Variants in RHBDL2 observed in about 807,000 individuals in gnomAD.
The protein encoded by RHBDL2 is rhomboid-related protein 2.
Under a neutral mutation model 31.7 loss-of-function variants are expected in RHBDL2, and 26 were observed. The ratio of observed to expected loss-of-function variants is 0.82; its 90% CI spans 0.60 to 1.14. The LOEUF (loss-of-function observed/expected upper bound fraction) is 1.14. Ranked by LOEUF, RHBDL2 falls within the 50% of genes most tolerant of loss-of-function variation. RHBDL2 has a pLI of 0.00. For synonymous variants in RHBDL2, 123 were observed against 127.2 expected (o/e 0.97, Z 0.22); for missense variants, 336 against 364.4 (o/e 0.92, Z 0.63).
chr1:38,909,587 C>T (rs900216952), intron 4 of RHBDL2, among the ~76,000 whole-genome samples: 48 of 151,862 alleles, frequency 3.2e-4, no homozygotes, highest in African/African-American at 1.1e-3. Context: ...ACTAAAAATA[C>T]AAAAATTAGC....
At chr1:38,895,857 G>A (rs1642911728) in intron 5 of RHBDL2, 112 bp downstream of exon 5, 1 of 689,004 alleles carries the variant, frequency 1.5e-6, no homozygotes, top group East Asian at 2.7e-5. Context: ...ACAATTCTCA[G>A]AAAATTGAGT....
intron 1 of RHBDL2, among the ~76,000 whole-genome samples, chr1:38,930,241 T>C (rs1643425658): frequency 6.6e-6 from 1 of 152,212 alleles, no homozygotes; most frequent in Admixed American, 6.5e-5. Context: ...ATCATAATAC[T>C]CAGCCTTCTC....
At chr1:38,903,073 C>T (rs951551587) in intron 4 of RHBDL2, among the ~76,000 whole-genome samples, 11 of 152,000 alleles carry the variant, frequency 7.2e-5, no homozygotes, top group Admixed American at 2.0e-4. Context: ...TTGGAAAACA[C>T]AAGATCTATA....
rs751461223 is a variant in RHBDL2, at chr1:38,919,230, C to T, written c.-18G>A. The T allele has an allele frequency of 6.2e-7, 1 of 1,614,060 alleles. No individual in the cohort carries two copies. Among genetic ancestry groups the T allele is most frequent in the Non-Finnish European group, 8.5e-7 (1 of 1,180,010 alleles). On this transcript the variant is annotated 5_prime_UTR_variant, in exon 2 of 8. Coordinates refer to ENST00000372990, the MANE Select transcript of RHBDL2 (RefSeq NM_017821.5). ...GCAGCCATTGTCCTGGGTCCTCCCT[C>T]CTCCCCAGAAGGACATGAATCCCAG...
rs752409498 is a variant in RHBDL2, at chr1:38,919,317, G to A, written c.-105C>T. ...TCTTCCCTGGGCTGTCTGGCGCAACGACTGCTTTCCAAGGCCTTTCCTGTA... is the reference window on the plus strand; with the variant it reads ...TCTTCCCTGGGCTGTCTGGCGCAACAACTGCTTTCCAAGGCCTTTCCTGTA... On this transcript the variant is annotated 5_prime_UTR_variant, in exon 2 of 8. Transcript: ENST00000372990. 29 of 1,602,160 alleles carry A rather than the reference G, an allele frequency of 1.8e-5. No individual in the cohort carries two copies. Among genetic ancestry groups the A allele is most frequent in the African/African-American group, 2.7e-5 (2 of 74,914 alleles).
intron 1 of RHBDL2, among the ~76,000 whole-genome samples, chr1:38,921,381 G>A (rs939742586): frequency 5.9e-5 from 9 of 152,060 alleles, no homozygotes; most frequent in East Asian, 1.9e-4. Context: ...ACTGTGTCTC[G>A]AAGAAAAAGA....
At position 38,901,841 on chromosome 1, in the gene RHBDL2, A is replaced by AAAATAAAT. The variant is rs139309825; in HGVS notation, c.509-5780_509-5773dup. On this transcript the variant is annotated intron_variant, in intron 4 of 7. Transcript: ENST00000372990. ...AGCGAGACTCCATCTCAAAAAAAAT[A>AAAATAAAT]AAATAAATAAATAAATAAATAAATA... Among the ~76,000 whole-genome samples, 1,192 of 149,042 alleles carry AAAATAAAT rather than the reference A, an allele frequency of 8.0e-3. 22 individuals are homozygous for AAAATAAAT. Among genetic ancestry groups the AAAATAAAT allele is most frequent in the East Asian group, 0.071 (364 of 5,118 alleles).
At chr1:38,939,480 G>A (rs928620861) in intron 1 of RHBDL2, among the ~76,000 whole-genome samples, 1 of 152,144 alleles carries the variant, frequency 6.6e-6, no homozygotes, top group African/African-American at 2.4e-5. Context: ...TGGGCAACAT[G>A]ATGAAACCTT....
intron 1 of RHBDL2, among the ~76,000 whole-genome samples, chr1:38,927,872 C>T (rs1291624691): frequency 1.3e-5 from 2 of 152,048 alleles, no homozygotes; most frequent in Admixed American, 6.6e-5. Flanking sequence ...GATAAAGAAA[C>T]CCAGGCTCCC....
chr1:38,892,691 G>A (rs952002149), intron 6 of RHBDL2, among the ~76,000 whole-genome samples: 33 of 152,264 alleles, frequency 2.2e-4, no homozygotes, highest in African/African-American at 7.2e-4. Context: ...TGTGAAATAG[G>A]TCATTGTTGT....
At chr1:38,889,691 G>A (rs914506921) in intron 6 of RHBDL2, among the ~76,000 whole-genome samples, 15 of 152,144 alleles carry the variant, frequency 9.9e-5, no homozygotes, top group African/African-American at 2.9e-4. Flanking sequence ...CAAGTAAGTC[G>A]GATCTGCACT....
intron 1 of RHBDL2, among the ~76,000 whole-genome samples, chr1:38,928,133 T>C (rs1423821708): frequency 6.7e-6 from 1 of 150,334 alleles, no homozygotes; most frequent in Non-Finnish European, 1.5e-5. Flanking sequence ...ATGTAAATTT[T>C]TTTCTTTCTT....
intron 6 of RHBDL2, among the ~76,000 whole-genome samples, chr1:38,889,922 AT>A (rs1487946313): frequency 1.3e-5 from 2 of 152,130 alleles, no homozygotes; most frequent in African/African-American, 4.8e-5. Flanking sequence ...TCAATACTGT[AT>A]TGATTGATGT....
chr1:38,924,299 A>C (rs1643348031), intron 1 of RHBDL2, among the ~76,000 whole-genome samples: 1 of 152,084 alleles, frequency 6.6e-6, no homozygotes, highest in Admixed American at 6.6e-5. Flanking sequence ...AAGTACTCTT[A>C]AAAGGAAACA....
intron 3 of RHBDL2, 100 bp downstream of exon 3, chr1:38,915,462 A>T (rs1643219641): frequency 7.5e-6 from 9 of 1,199,916 alleles, no homozygotes; most frequent in Non-Finnish European, 1.1e-5. Context: ...AAGATTATGG[A>T]CATGAAAGTG....
chr1:38,916,711 A>G (rs1256628814), intron 2 of RHBDL2, among the ~76,000 whole-genome samples: 1 of 50,794 alleles, frequency 2.0e-5, no homozygotes, highest in African/African-American at 5.5e-5. Context: ...ACAAACAAAC[A>G]AAAAAAAAAA....
chr1:38,929,663 G>T, intron 1 of RHBDL2: 1 of 826,018 alleles, frequency 1.2e-6, no homozygotes, highest in Non-Finnish European at 1.5e-6. Context: ...GCTGGGTGTA[G>T]CCAATTGCTG....
intron 1 of RHBDL2, among the ~76,000 whole-genome samples, chr1:38,936,316 GGGGTTTTTTTGAGAT>G (rs1185676871): frequency 6.6e-6 from 1 of 151,430 alleles, no homozygotes; most frequent in African/African-American, 2.4e-5. Context: ...TTGGTTTTTG[GGGGTTTTTTTGAGAT>G]GGAGTCTCAC....
At chr1:38,904,300 C>A (rs1643032671) in intron 4 of RHBDL2, among the ~76,000 whole-genome samples, 2 of 151,904 alleles carry the variant, frequency 1.3e-5, no homozygotes, top group Admixed American at 1.3e-4. Context: ...GAAACCCCGT[C>A]TCTACTAAAA....
Sources: allele counts gnomAD v4.1 joint callset (sites outside exome capture counted in the v4.1 genomes callset), GRCh38; gene constraint gnomAD v4.1.1; transcripts MANE v1.5; gene names NCBI Gene and HGNC (gene_info 2026-07-23, HGNC 2026-07-21).